The following PPM1L variants were observed in gnomAD, a reference collection of about 807,000 sequenced individuals.
The protein encoded by PPM1L is protein phosphatase, Mg2+/Mn2+ dependent 1L.
Under a neutral mutation model 31.4 loss-of-function variants are expected in PPM1L, and 13 were observed. The ratio of observed to expected loss-of-function variants is 0.41; its 90% CI spans 0.27 to 0.66. PPM1L has a LOEUF of 0.66. PPM1L is among the 30% of genes least tolerant of loss of function. The pLI, the probability that PPM1L is intolerant of heterozygous loss-of-function variation, is 0.29. For missense variants in PPM1L, 326 were observed against 453.7 expected, an observed-to-expected ratio of 0.72 and a Z score of 2.56; for synonymous variants, 184 against 175.4, an observed-to-expected ratio of 1.05 and a Z score of -0.39.
chr3:160,873,893 C>T (rs1355551447), intron 1 of PPM1L, among the ~76,000 whole-genome samples: 1 of 152,108 alleles, frequency 6.6e-6, no homozygotes, highest in Non-Finnish European at 1.5e-5. Context: ...AGGATTTGGC[C>T]TTTATTCCAA....
intron 1 of PPM1L, chr3:160,842,171 A>G: frequency 1.5e-6 from 1 of 683,336 alleles, no homozygotes; most frequent in East Asian, 2.7e-5. Context: ...ATAGTTGGGG[A>G]GGACTCATGC....
chr3:161,013,366 T>G (rs1327957027), intron 2 of PPM1L, among the ~76,000 whole-genome samples: 1 of 152,256 alleles, frequency 6.6e-6, no homozygotes, highest in Non-Finnish European at 1.5e-5. Flanking sequence ...AGTTGTAGTT[T>G]GATTGCACTG....
At chr3:161,007,556 C>T (rs752368852) in intron 2 of PPM1L, among the ~76,000 whole-genome samples, 4 of 152,202 alleles carry the variant, frequency 2.6e-5, no homozygotes, top group African/African-American at 7.2e-5. Context: ...GTTCAACCTG[C>T]GACCTGCAGT....
chr3:160,896,691 T>C (rs1713345906), intron 1 of PPM1L, among the ~76,000 whole-genome samples: 1 of 152,212 alleles, frequency 6.6e-6, no homozygotes, highest in Non-Finnish European at 1.5e-5. Context: ...TAAAATGTTA[T>C]GGTCAAAAAG....
At position 161,077,102 on chromosome 3, in the gene PPM1L, T is replaced by TAAC. The variant is rs955278302; in HGVS notation, c.*7947_*7949dup. ...CCCTATTGGGGTGTCAGAGATATTA[T>TAAC]AACACTCAATATTGACCCAATGGGA... On this transcript the variant is annotated 3_prime_UTR_variant, in exon 4 of 4. Coordinates refer to ENST00000498165, the MANE Select transcript of PPM1L (RefSeq NM_139245.4). 1.3e-5 allele frequency: 2 copies of TAAC among 152,250 alleles called. No homozygotes were observed. The highest frequency in any genetic ancestry group is 4.8e-5 in the African/African-American group (2 of 41,466). The allele number at this position is 152,250 out of a possible 1,614,324, so 9.4% of individuals were successfully genotyped here.
intron 1 of PPM1L, among the ~76,000 whole-genome samples, chr3:160,912,655 G>A (rs1460722398): frequency 2.6e-5 from 4 of 152,166 alleles, no homozygotes; most frequent in African/African-American, 9.7e-5. Flanking sequence ...AAGAGTTATG[G>A]GCTCAGATTG....
rs1714825721 is a variant in PPM1L at position 160,756,947 on chromosome 3, G to A, written c.399+240G>A. On this transcript the variant is annotated intron_variant, in intron 1 of 3. Transcript: ENST00000498165. The surrounding 1 kb of genome is among the most constrained non-coding windows in gnomAD (Gnocchi z 6.2). ...GTGCTGAGGGTCCACTTTAGGGAAA[G>A]GAGAGTCATCCACAGCATATTTGTT... Among the ~76,000 whole-genome samples the A allele has an allele frequency of 6.6e-6, 1 of 152,064 alleles. No individual in the cohort carries two copies. Among genetic ancestry groups the A allele is most frequent in the African/African-American group, 2.4e-5 (1 of 41,406 alleles).
intron 1 of PPM1L, among the ~76,000 whole-genome samples, chr3:160,956,925 C>G (rs149780016): frequency 9.2e-4 from 140 of 152,328 alleles, no homozygotes; most frequent in African/African-American, 2.5e-3. Flanking sequence ...TGGTATAAAG[C>G]ATTGAACCAG....
chr3:161,068,753 A>G, intron 3 of PPM1L, 58 bp from the exon 4 acceptor site: 1 of 1,441,950 alleles, frequency 6.9e-7, no homozygotes, highest in Middle Eastern at 1.8e-4. Context: ...TACCTAGACT[A>G]TCCCAGGTAA....
chr3:160,923,850 T>C (rs1432587727), intron 1 of PPM1L, among the ~76,000 whole-genome samples: 21 of 152,150 alleles, frequency 1.4e-4, no homozygotes, highest in Non-Finnish European at 1.5e-5. Flanking sequence ...CTCAGGACAG[T>C]CCTCTCCTTG....
chr3:161,070,548 G>C lies in PPM1L; in HGVS notation c.*1391G>C, dbSNP rs1440418534. The C allele has an allele frequency of 2.0e-5, 3 of 152,158 alleles. No homozygotes were observed. The highest frequency in any genetic ancestry group is 2.9e-5 in the Non-Finnish European group (2 of 68,034). The allele number at this position is 152,158 out of a possible 1,614,324, so 9.4% of individuals were successfully genotyped here. ...CTTGCTGCTCTCCATTTCCTGTATC[G>C]CTAATTTATCATTTTTCCAACCTTG... On this transcript the variant is annotated 3_prime_UTR_variant, in exon 4 of 4. Coordinates refer to ENST00000498165, the MANE Select transcript of PPM1L (RefSeq NM_139245.4).
chr3:160,826,325 C>T (rs968682162), intron 1 of PPM1L, among the ~76,000 whole-genome samples: 2 of 152,100 alleles, frequency 1.3e-5, no homozygotes, highest in Non-Finnish European at 2.9e-5. Flanking sequence ...GCCCATGGCT[C>T]AGAATGTGGT....
chr3:160,923,312 T>C (rs572265635), intron 1 of PPM1L, among the ~76,000 whole-genome samples: 2 of 152,202 alleles, frequency 1.3e-5, no homozygotes, highest in Non-Finnish European at 2.9e-5. Flanking sequence ...TAGAAACCAG[T>C]TCATCTGATT....
At chr3:160,865,253 T>C (rs2108025014) in intron 1 of PPM1L, among the ~76,000 whole-genome samples, 1 of 152,254 alleles carries the variant, frequency 6.6e-6, no homozygotes, top group East Asian at 1.9e-4. Context: ...TATGAAATCA[T>C]GAAATATGCA....
At chr3:160,784,565 A>G (rs919356224) in intron 1 of PPM1L, among the ~76,000 whole-genome samples, 1 of 152,240 alleles carries the variant, frequency 6.6e-6, no homozygotes, top group Non-Finnish European at 1.5e-5. Context: ...AAAACAGAGA[A>G]GAATTTGTAG....
rs1180679318 is a variant in PPM1L, at chr3:161,006,680, C to CTTTTT, written c.574+44786_574+44790dup. On this transcript the variant is annotated intron_variant, in intron 2 of 3. Transcript: ENST00000498165. Reference sequence around the variant, plus strand: ...CACTTCAGAAAACCCACCGTCTTTCCTTTTTTTTTTTTTTTTTTTTGAGAC... The same window carrying CTTTTT: ...CACTTCAGAAAACCCACCGTCTTTCCTTTTTTTTTTTTTTTTTTTTTTTTTGAGAC... Among the ~76,000 whole-genome samples, 10 of 118,894 alleles carry CTTTTT rather than the reference C, an allele frequency of 8.4e-5. 1 individual carries two copies. The highest frequency in any genetic ancestry group is 1.0e-4 in the Non-Finnish European group (6 of 58,498). The allele number at this position is 118,894 out of a possible 152,430, so 78.0% of individuals were successfully genotyped here. A position where few individuals can be genotyped will look rare whatever the true frequency, so the allele number is the denominator to read the frequency against.
chr3:160,852,204 C>A (rs901945287), intron 1 of PPM1L, among the ~76,000 whole-genome samples: 1 of 152,074 alleles, frequency 6.6e-6, no homozygotes, highest in African/African-American at 2.4e-5. Context: ...AGATTTATGG[C>A]AACATCAGAG....
chr3:160,927,394 C>G (rs1868106), intron 1 of PPM1L, among the ~76,000 whole-genome samples: 125,739 of 152,164 alleles, frequency 0.83, 52,171 homozygotes, highest in Middle Eastern at 0.89. Flanking sequence ...TAACATAGAG[C>G]AACTTTTGAA....
chr3:160,881,836 G>T (rs780053927), intron 1 of PPM1L, among the ~76,000 whole-genome samples: 11 of 152,150 alleles, frequency 7.2e-5, no homozygotes, highest in Non-Finnish European at 1.3e-4. Flanking sequence ...CAGATCACAA[G>T]GTCAGGAGAT....
Sources: allele counts gnomAD v4.1 joint callset (sites outside exome capture counted in the v4.1 genomes callset), GRCh38; gene constraint gnomAD v4.1.1; non-coding constraint Gnocchi (gnomAD v3.1); transcripts MANE v1.5; gene names NCBI Gene and HGNC (gene_info 2026-07-23, HGNC 2026-07-21).